OXR1: variants seen among roughly 807,000 people sequenced by gnomAD.
OXR1 encodes the protein oxidation resistance 1.
OXR1 carries 41 observed loss-of-function variants against 104.6 expected under a neutral mutation model. The ratio of observed to expected loss-of-function variants is 0.39; its 90% CI spans 0.31 to 0.51. The LOEUF (loss-of-function observed/expected upper bound fraction) is 0.51. Among genes scored for constraint, OXR1 ranks in the 20% least tolerant of loss-of-function variants. The pLI, the probability that OXR1 is intolerant of heterozygous loss-of-function variation, is 0.77. For missense variants in OXR1, 955 were observed against 1,031.9 expected, an observed-to-expected ratio of 0.93 and a Z score of 1.02; for synonymous variants, 348 against 348.4, an observed-to-expected ratio of 1.00 and a Z score of 0.01.
At chr8:106,414,618 G>A (rs558523363) in intron 2 of OXR1, among the ~76,000 whole-genome samples, 10 of 152,160 alleles carry the variant, frequency 6.6e-5, no homozygotes, top group East Asian at 5.8e-4. Context: ...TCATGTAGAC[G>A]GATGGGTGGG....
At chr8:106,479,876 T>G (rs1440329129) in intron 2 of OXR1, among the ~76,000 whole-genome samples, 2 of 152,072 alleles carry the variant, frequency 1.3e-5, no homozygotes, top group Admixed American at 1.3e-4. Context: ...GAGTTTTTAC[T>G]TTGATTTAAG....
chr8:106,576,449 A>G (rs1223936331), intron 3 of OXR1, among the ~76,000 whole-genome samples: 1 of 139,078 alleles, frequency 7.2e-6, no homozygotes, highest in Non-Finnish European at 1.5e-5. Flanking sequence ...TGTGCTTATA[A>G]TGGTAGCACA....
At chr8:106,341,874 ATT>A (rs35921475) in intron 1 of OXR1, among the ~76,000 whole-genome samples, 38 of 141,316 alleles carry the variant, frequency 2.7e-4, no homozygotes, top group East Asian at 1.0e-3. Context: ...CCCCACCTCT[ATT>A]TTTTTTTTTT....
intron 2 of OXR1, among the ~76,000 whole-genome samples, chr8:106,464,406 G>A (rs1821071021): frequency 6.6e-6 from 1 of 152,034 alleles, no homozygotes; most frequent in Non-Finnish European, 1.5e-5. Flanking sequence ...TTAGATATGT[G>A]CATCTGTGAG....
intron 2 of OXR1, among the ~76,000 whole-genome samples, chr8:106,433,238 T>A (rs1011704773): frequency 2.0e-5 from 3 of 152,150 alleles, no homozygotes; most frequent in African/African-American, 7.2e-5. Flanking sequence ...GTTTTCATAA[T>A]GTCTTCTGTT....
At position 106,271,541 on chromosome 8, in the gene OXR1, T is replaced by TGTGTGTGC. The variant is rs1373976513; in HGVS notation, c.-139+1184_-139+1191dup. Among the ~76,000 whole-genome samples, 84 of 151,568 alleles carry TGTGTGTGC rather than the reference T, an allele frequency of 5.5e-4. 2 individuals carry two copies. In the South Asian group the frequency reaches 0.017, roughly 31 times the overall value. On this transcript the variant is annotated intron_variant, in intron 1 of 16. Coordinates refer to ENST00000517566, the MANE Select transcript of OXR1 (RefSeq NM_001198533.2). ...GCAGCGTGCAACTCGCAGCGGGGCGTGTGTGTGCGTGTGTGCGCGCGCGTG... is the reference window on the plus strand; with the variant it reads ...GCAGCGTGCAACTCGCAGCGGGGCGTGTGTGTGCGTGTGTGCGTGTGTGCGCGCGCGTG...
chr8:106,690,901 T>A (rs1485268210), intron 6 of OXR1, among the ~76,000 whole-genome samples: 2 of 151,964 alleles, frequency 1.3e-5, no homozygotes, highest in Non-Finnish European at 2.9e-5. Context: ...CTCCTCAATC[T>A]TCCTTTGCCC....
intron 11 of OXR1, among the ~76,000 whole-genome samples, chr8:106,729,572 A>G (rs1038981397): frequency 1.3e-5 from 2 of 152,126 alleles, no homozygotes; most frequent in South Asian, 2.1e-4. Flanking sequence ...TATGCCGCCT[A>G]TCTATAGTAG....
intron 2 of OXR1, among the ~76,000 whole-genome samples, chr8:106,457,879 G>C (rs1820686696): frequency 6.6e-6 from 1 of 152,174 alleles, no homozygotes; most frequent in Admixed American, 6.5e-5. Flanking sequence ...AATAAACTAG[G>C]ATATCTGGTG....
At chr8:106,543,406 A>T (rs75598877) in intron 3 of OXR1, among the ~76,000 whole-genome samples, 1 of 152,148 alleles carries the variant, frequency 6.6e-6, no homozygotes, top group East Asian at 1.9e-4. Flanking sequence ...CCAACAAAAA[A>T]TCCTGTAGAA....
rs528683552 is a variant in OXR1, at chr8:106,392,964, T to C, written c.23+33328T>C. On this transcript the variant is annotated intron_variant, in intron 2 of 16. Coordinates refer to ENST00000517566, the MANE Select transcript of OXR1 (RefSeq NM_001198533.2). The stretch of plus-strand genomic sequence containing the variant: ...GCTTCAAAACAATTACCCAAGCTCC[T>C]TTTAGAACCATATTGCTCCCCACAC... Among the ~76,000 whole-genome samples, 12 of 152,298 alleles carry C rather than the reference T, an allele frequency of 7.9e-5. No individual in the cohort carries two copies. The South Asian group carries it at 8.3e-4, about 11-fold the overall frequency.
At chr8:106,408,936 G>C (rs1010606299) in intron 2 of OXR1, among the ~76,000 whole-genome samples, 2 of 152,274 alleles carry the variant, frequency 1.3e-5, no homozygotes, top group Admixed American at 1.3e-4. Flanking sequence ...TTCAGGGAAC[G>C]TCAGGCACGC....
chr8:106,694,172 A>G (rs539357459), intron 7 of OXR1, among the ~76,000 whole-genome samples: 1 of 151,602 alleles, frequency 6.6e-6, no homozygotes, highest in Non-Finnish European at 1.5e-5. Flanking sequence ...AGAATATCGT[A>G]TGTTTTAATA....
At chr8:106,332,362 AC>A (rs1814754372) in intron 1 of OXR1, among the ~76,000 whole-genome samples, 1 of 152,184 alleles carries the variant, frequency 6.6e-6, no homozygotes, top group Non-Finnish European at 1.5e-5. Flanking sequence ...TATTTAAGAA[AC>A]TTAAAATGCT....
At chr8:106,521,493 T>A (rs1586753249) in intron 3 of OXR1, among the ~76,000 whole-genome samples, 1 of 139,168 alleles carries the variant, frequency 7.2e-6, no homozygotes, top group East Asian at 2.1e-4. Flanking sequence ...AAGGTTGCCA[T>A]CCCTGCGCTA....
chr8:106,708,747 T>C lies in OXR1; in HGVS notation c.1624+1602T>C, dbSNP rs143277811. Reference sequence around the variant, plus strand: ...TGCTTTGAACATTAGTGTACAAATATCTGTTTGAATCCCTCCTTTGAGTTT... The same window carrying C: ...TGCTTTGAACATTAGTGTACAAATACCTGTTTGAATCCCTCCTTTGAGTTT... On this transcript the variant is annotated intron_variant, in intron 9 of 16. Coordinates refer to ENST00000517566, the MANE Select transcript of OXR1 (RefSeq NM_001198533.2). Among the ~76,000 whole-genome samples, 359 of 152,284 alleles carry C rather than the reference T, an allele frequency of 2.4e-3. 2 individuals are homozygous for C. Among genetic ancestry groups the C allele is most frequent in the African/African-American group, 8.2e-3 (341 of 41,570 alleles).
At chr8:106,447,234 C>T (rs886850961) in intron 2 of OXR1, among the ~76,000 whole-genome samples, 1 of 152,120 alleles carries the variant, frequency 6.6e-6, no homozygotes, top group African/African-American at 2.4e-5. Context: ...GTAACTGAGG[C>T]TAATCTCTAT....
At chr8:106,300,273 G>A (rs981856564) in intron 1 of OXR1, among the ~76,000 whole-genome samples, 2 of 151,976 alleles carry the variant, frequency 1.3e-5, no homozygotes, top group Non-Finnish European at 2.9e-5. Flanking sequence ...ATTGAGCAGT[G>A]TCCCAGGGTG....
chr8:106,332,042 G>GTA (rs1814739225), intron 1 of OXR1, among the ~76,000 whole-genome samples: 2 of 144,312 alleles, frequency 1.4e-5, no homozygotes, highest in Non-Finnish European at 3.0e-5. Context: ...GTGTGTGTGT[G>GTA]AATGCCCTTC....
Sources: allele counts gnomAD v4.1 joint callset (sites outside exome capture counted in the v4.1 genomes callset), GRCh38; gene constraint gnomAD v4.1.1; transcripts MANE v1.5; gene names NCBI Gene and HGNC (gene_info 2026-07-23, HGNC 2026-07-21).